ELOF1: variants seen among roughly 807,000 people sequenced by gnomAD.
The protein encoded by ELOF1 is transcription elongation factor 1 homolog.
Under a neutral mutation model 7.1 loss-of-function variants are expected in ELOF1, and 4 were observed. That is an observed-to-expected ratio of 0.56 (90% CI 0.28 to 1.29). The LOEUF is 1.29. Ranked by LOEUF, ELOF1 falls within the 50% of genes most tolerant of loss-of-function variation. The pLI, the probability that ELOF1 is intolerant of heterozygous loss-of-function variation, is 0.10. For missense variants in ELOF1, 59 were observed against 86.3 expected (o/e 0.68, Z 1.25); for synonymous variants, 31 against 31.9 (o/e 0.97, Z 0.09).
At chr19:11,557,518 C>G in intron 1 of ELOF1, among the ~76,000 whole-genome samples, 1 of 149,832 alleles carries the variant, frequency 6.7e-6, no homozygotes, top group East Asian at 1.9e-4. Flanking sequence ...ATCGCTTGAA[C>G]CTGGGAGTCG....
Position 11,554,086 on chromosome 19 carries a change from A to C in ELOF1, c.117-5T>G. 1 of 1,614,172 alleles carries C rather than the reference A, an allele frequency of 6.2e-7. No individual in the cohort carries two copies. Among genetic ancestry groups the C allele is most frequent in the Non-Finnish European group, 8.5e-7 (1 of 1,180,026 alleles). On this transcript the variant is annotated splice_region_variant and splice_polypyrimidine_tract_variant and intron_variant, in intron 2 of 3. Transcript: ENST00000586683. ...CCGGTGTTGCGGGCACGGTCCCTGA[A>C]ACAGACCAAGAGAAGGGACTGGTGA...
exon 2 of ELOF1, chr19:11,554,318 C>G (rs769360384): frequency 5.6e-6 from 9 of 1,613,788 alleles, no homozygotes; most frequent in East Asian, 4.5e-5. Context: ...TCTTGGGAGG[C>G]GGCTTTCGTT....
exon 3 of ELOF1, chr19:11,554,062 C>G (rs745870835): frequency 6.2e-7 from 1 of 1,614,044 alleles, no homozygotes; most frequent in Admixed American, 1.7e-5. Flanking sequence ...GAGATGACTC[C>G]GGTGTTGCGG....
chr19:11,557,423 C>G (rs1051042901), intron 1 of ELOF1, among the ~76,000 whole-genome samples: 5 of 151,496 alleles, frequency 3.3e-5, no homozygotes, highest in Non-Finnish European at 7.4e-5. Flanking sequence ...TGGTGAAACC[C>G]CATTTCTACT....
chr19:11,557,006 GA>G (rs575792556), intron 1 of ELOF1, among the ~76,000 whole-genome samples: 136 of 151,072 alleles, frequency 9.0e-4, no homozygotes, highest in South Asian at 1.9e-3. Flanking sequence ...TAAAAAGGGG[GA>G]AAAAAAAACT....
In ELOF1 at chr19:11,553,143, T is replaced by G. The variant is rs185679471; in HGVS notation, c.188-88A>C. ...AAAGCAACTGAACATGAAACGGGCT[T>G]CCTGGTTACCATGGGGAGGGGGGCG... On this transcript the variant is annotated intron_variant, in intron 3 of 3. Transcript: ENST00000586683. 6 of 401,756 alleles carry G rather than the reference T, an allele frequency of 1.5e-5. No individual in the cohort carries two copies. The East Asian group carries it at 2.1e-4, about 14-fold the overall frequency. 24.9% of individuals were successfully genotyped at this position (401,756 alleles called of 1,614,324 possible). A position where few individuals can be genotyped will look rare whatever the true frequency, so the allele number is the denominator to read the frequency against.
chr19:11,557,546 A>G (rs1972850809), intron 1 of ELOF1, among the ~76,000 whole-genome samples: 1 of 145,514 alleles, frequency 6.9e-6, no homozygotes, highest in African/African-American at 2.6e-5. Context: ...CAGTGAGCTG[A>G]GATTGTGCCA....
At chr19:11,553,602 C>T in intron 3 of ELOF1, 2 of 597,814 alleles carry the variant, frequency 3.3e-6, no homozygotes, top group Non-Finnish European at 5.3e-6. Flanking sequence ...CACACACACA[C>T]ACACACACAC....
chr19:11,553,590 C>CT (rs1972769869), intron 3 of ELOF1: 2 of 134,454 alleles, frequency 1.5e-5, no homozygotes, highest in Admixed American at 1.0e-4. Flanking sequence ...ACTACACACA[C>CT]ACACACACAC....
chr19:11,556,432 T>A (rs1432984856), intron 1 of ELOF1, among the ~76,000 whole-genome samples: 1 of 151,738 alleles, frequency 6.6e-6, no homozygotes, highest in Non-Finnish European at 1.5e-5. Context: ...CCCGAGTAGC[T>A]GGGAGTACAG....
At chr19:11,557,293 T>C (rs960424270) in intron 1 of ELOF1, among the ~76,000 whole-genome samples, 3 of 152,086 alleles carry the variant, frequency 2.0e-5, no homozygotes, top group African/African-American at 7.2e-5. Context: ...CTTGCTCCAA[T>C]GAAGAGAGCA....
At chr19:11,553,554 TCACACCCACACCCACACG>T in intron 3 of ELOF1, 3 of 670,960 alleles carry the variant, frequency 4.5e-6, no homozygotes, top group East Asian at 5.5e-5. Flanking sequence ...CCACACTCAC[TCACACCCACACCCACACG>T]CACACCCACT....
At position 11,554,093 on chromosome 19, in the gene ELOF1, C is replaced by G; in HGVS notation, c.117-12G>C. ...TGCGGGCACGGTCCCTGAAACAGAC[C>G]AAGAGAAGGGACTGGTGAGCAATGC... On this transcript the variant is annotated splice_polypyrimidine_tract_variant and intron_variant, in intron 2 of 3. Coordinates refer to ENST00000586683, the Ensembl canonical transcript of ELOF1. The G allele has an allele frequency of 6.2e-7, 1 of 1,614,162 alleles. No individual in the cohort carries two copies. The highest frequency in any genetic ancestry group is 1.1e-5 in the South Asian group (1 of 91,082).
intron 3 of ELOF1, chr19:11,553,667 C>A: frequency 6.4e-7 from 1 of 1,571,580 alleles, no homozygotes; most frequent in Non-Finnish European, 8.7e-7. Context: ...CCCTGGACCC[C>A]TGGAATGTCT....
chr19:11,554,183 G>T (rs778920880), intron 2 of ELOF1, 49 bp downstream of exon 2: 2 of 1,613,558 alleles, frequency 1.2e-6, no homozygotes, highest in South Asian at 2.2e-5. Context: ...GAGAACAGCG[G>T]GGAAGAGGCA....
chr19:11,553,803 T>C, intron 3 of ELOF1: 9 of 1,614,202 alleles, frequency 5.6e-6, no homozygotes, highest in South Asian at 1.1e-5. Context: ...CCACGGGTTC[T>C]GACAGATCTG....
At chr19:11,553,592 CACACA>C (rs1972770460) in intron 3 of ELOF1, 2 of 281,236 alleles carry the variant, frequency 7.1e-6, no homozygotes, top group Admixed American at 1.2e-4. Context: ...TACACACACA[CACACA>C]CACACACACA....
rs554721120 is a variant in ELOF1 at position 11,554,379 on chromosome 19, C to T, written c.-18-14G>A. 143 of 1,610,048 alleles carry T rather than the reference C, an allele frequency of 8.9e-5. 1 individual carries two copies. In the South Asian group the frequency reaches 1.5e-3, roughly 16 times the overall value. On this transcript the variant is annotated splice_polypyrimidine_tract_variant and intron_variant, in intron 1 of 3. Transcript: ENST00000586683. ...AGGTGGATGAGCCTGTGGGGAGTGGCAGATGTCAGTGGTTTGAGGAAACCA... is the reference window on the plus strand; with the variant it reads ...AGGTGGATGAGCCTGTGGGGAGTGGTAGATGTCAGTGGTTTGAGGAAACCA...
exon 2 of ELOF1, chr19:11,554,348 G>T: frequency 6.2e-7 from 1 of 1,613,854 alleles, no homozygotes; most frequent in Non-Finnish European, 8.5e-7. Context: ...TGCGCCCCAT[G>T]TCTGCAGGTG....
Sources: allele counts gnomAD v4.1 joint callset (sites outside exome capture counted in the v4.1 genomes callset), GRCh38; gene constraint gnomAD v4.1.1; transcripts MANE v1.5; gene names NCBI Gene and HGNC (gene_info 2026-07-23, HGNC 2026-07-21).